KCNH7: variants seen among roughly 807,000 people sequenced by gnomAD.
KCNH7 encodes voltage-gated inwardly rectifying potassium channel KCNH7.
A neutral mutation model predicts 120.8 loss-of-function variants in KCNH7; 49 were observed. The ratio of observed to expected loss-of-function variants is 0.41; its 90% CI spans 0.32 to 0.51. The LOEUF (loss-of-function observed/expected upper bound fraction) is 0.51, where lower values mean the gene tolerates loss of function less well. KCNH7 is among the 20% of genes least tolerant of loss of function. KCNH7 has a pLI of 0.38. For missense variants in KCNH7, 1,097 were observed against 1,446.6 expected (o/e 0.76, Z 3.92); for synonymous variants, 547 against 516.1 (o/e 1.06, Z -0.81).
intron 2 of KCNH7, among the ~76,000 whole-genome samples, chr2:162,788,434 C>T (rs1035756662): frequency 6.6e-6 from 1 of 151,914 alleles, no homozygotes; most frequent in African/African-American, 2.4e-5. Context: ...ATAAAAGAAC[C>T]AATCAAAAAT....
intron 2 of KCNH7, among the ~76,000 whole-genome samples, chr2:162,821,099 A>G (rs1685105705): frequency 6.6e-6 from 1 of 152,136 alleles, no homozygotes; most frequent in African/African-American, 2.4e-5. Context: ...CTAAGGCCTA[A>G]TGGAGAGTCC....
chr2:162,543,247 A>G (rs918497645), intron 2 of KCNH7, among the ~76,000 whole-genome samples: 2 of 151,814 alleles, frequency 1.3e-5, no homozygotes, highest in Non-Finnish European at 2.9e-5. Flanking sequence ...GTCTAAAGAA[A>G]CATCCTTAAC....
chr2:162,574,289 T>C (rs904896748), intron 2 of KCNH7, among the ~76,000 whole-genome samples: 1 of 152,072 alleles, frequency 6.6e-6, no homozygotes, highest in Non-Finnish European at 1.5e-5. Context: ...GACTTTTCAT[T>C]AGCCATTCTT....
intron 2 of KCNH7, among the ~76,000 whole-genome samples, chr2:162,606,722 C>G (rs74982920): frequency 6.6e-6 from 1 of 152,052 alleles, no homozygotes; most frequent in Non-Finnish European, 1.5e-5. Context: ...TAACTTGGTT[C>G]CAAAGCAAGC....
At chr2:162,788,160 G>A (rs1389538529) in intron 2 of KCNH7, among the ~76,000 whole-genome samples, 2 of 152,110 alleles carry the variant, frequency 1.3e-5, no homozygotes, top group African/African-American at 4.8e-5. Flanking sequence ...TCCATGAACT[G>A]TGTGGCAATA....
At chr2:162,423,261 T>G in intron 9 of KCNH7, 75 bp downstream of exon 9, 1 of 1,609,130 alleles carries the variant, frequency 6.2e-7, no homozygotes, top group South Asian at 1.1e-5. Flanking sequence ...AAGCTGGTGA[T>G]TCCGGCTTTT....
intron 8 of KCNH7, among the ~76,000 whole-genome samples, chr2:162,424,867 T>A (rs1156995624): frequency 1.3e-5 from 2 of 152,138 alleles, no homozygotes; most frequent in Non-Finnish European, 2.9e-5. Context: ...TGGGGAGATG[T>A]GGTGGTTAAT....
intron 2 of KCNH7, among the ~76,000 whole-genome samples, chr2:162,674,226 A>G (rs1222881378): frequency 2.0e-5 from 3 of 151,842 alleles, no homozygotes; most frequent in Non-Finnish European, 2.9e-5. Context: ...TAGAGATAAA[A>G]GTGTTAGAGA....
rs114025643 is a variant in KCNH7, at chr2:162,810,308, T to C, written c.307+26229A>G. Among the ~76,000 whole-genome samples, 1,093 of 152,240 alleles carry C rather than the reference T, an allele frequency of 7.2e-3. 2 individuals are homozygous for C. Among genetic ancestry groups the C allele is most frequent in the Non-Finnish European group, 0.011 (773 of 67,998 alleles). On this transcript the variant is annotated intron_variant, in intron 2 of 15. Coordinates refer to ENST00000332142, the MANE Select transcript of KCNH7 (RefSeq NM_033272.4). ...TCAAATAAATTGAAAACAATAGAAG[T>C]TATACTTTACACATACAAAATAAGT...
Position 162,772,561 on chromosome 2 carries a change from C to T in KCNH7, c.307+63976G>A, listed in dbSNP as rs1350074249. 3.3e-5 allele frequency among the ~76,000 whole-genome samples: 5 copies of T among 151,322 alleles called. No individual in the cohort carries two copies. The East Asian group carries it at 7.7e-4, about 23-fold the overall frequency. On this transcript the variant is annotated intron_variant, in intron 2 of 15. Coordinates refer to ENST00000332142, the MANE Select transcript of KCNH7 (RefSeq NM_033272.4). Reference sequence around the variant, plus strand: ...ATCTCTTCCTTTTTCTCCCTTTTTCCATTGGCCACAAGTATTAAAGTCAAG... The same window carrying T: ...ATCTCTTCCTTTTTCTCCCTTTTTCTATTGGCCACAAGTATTAAAGTCAAG...
At chr2:162,388,359 AACAC>A (rs112497083) in intron 12 of KCNH7, among the ~76,000 whole-genome samples, 13 of 148,936 alleles carry the variant, frequency 8.7e-5, no homozygotes, top group Non-Finnish European at 1.6e-4. Context: ...TCCCCACATA[AACAC>A]ACACACACAC....
intron 2 of KCNH7, among the ~76,000 whole-genome samples, chr2:162,642,159 T>C (rs948003054): frequency 3.3e-5 from 5 of 152,140 alleles, no homozygotes; most frequent in African/African-American, 9.7e-5. Flanking sequence ...TTTTGCACAA[T>C]TAAATACTTC....
intron 8 of KCNH7, among the ~76,000 whole-genome samples, chr2:162,428,775 T>C (rs1687957065): frequency 6.6e-6 from 1 of 151,910 alleles, no homozygotes; most frequent in Admixed American, 6.6e-5. Context: ...TCTTTGGTAA[T>C]AGTACCTGTC....
At chr2:162,575,468 G>C (rs1054235330) in intron 2 of KCNH7, among the ~76,000 whole-genome samples, 5 of 151,958 alleles carry the variant, frequency 3.3e-5, no homozygotes, top group African/African-American at 9.7e-5. Context: ...CCTGCCTGCC[G>C]CAATTCCTGA....
chr2:162,716,703 A>G (rs944464333), intron 2 of KCNH7, among the ~76,000 whole-genome samples: 1 of 152,140 alleles, frequency 6.6e-6, no homozygotes, highest in Non-Finnish European at 1.5e-5. Context: ...AGGGTATTTT[A>G]TGCTATAAGT....
rs565695301 is a variant in KCNH7 at position 162,546,142 on chromosome 2, C to A, written c.308-9062G>T. ...CCTATGGTGCTTACCCACTTCTCAG[C>A]TCTGGTTCCTACTTAATTTTGGAGC... On this transcript the variant is annotated intron_variant, in intron 2 of 15. Coordinates refer to ENST00000332142, the MANE Select transcript of KCNH7 (RefSeq NM_033272.4). Among the ~76,000 whole-genome samples the A allele has an allele frequency of 1.5e-3, 224 of 152,232 alleles. 1 individual carries two copies. The highest frequency in any genetic ancestry group is 4.5e-3 in the African/African-American group (188 of 41,544).
chr2:162,792,088 A>G (rs1192311625), intron 2 of KCNH7, among the ~76,000 whole-genome samples: 1 of 151,862 alleles, frequency 6.6e-6, no homozygotes, highest in Non-Finnish European at 1.5e-5. Flanking sequence ...TATCACATTT[A>G]TTGATTTAGT....
In KCNH7 at chr2:162,557,024, A is replaced by G. The variant is rs182755183; in HGVS notation, c.308-19944T>C. ...TGTGTAACAAACCACCTCAACACTT[A>G]GTGGCTCAAAGCAACAATTTGTGAT... On this transcript the variant is annotated intron_variant, in intron 2 of 15. Transcript: ENST00000332142. Among the ~76,000 whole-genome samples the G allele has an allele frequency of 5.3e-5, 8 of 152,330 alleles. No homozygotes were observed. The East Asian group carries it at 1.4e-3, about 26-fold the overall frequency.
chr2:162,599,751 T>C (rs1014624036), intron 2 of KCNH7, among the ~76,000 whole-genome samples: 2 of 152,088 alleles, frequency 1.3e-5, no homozygotes, highest in African/African-American at 2.4e-5. Context: ...CAAAATTATA[T>C]ACTATGTTTC....
Sources: allele counts gnomAD v4.1 joint callset (sites outside exome capture counted in the v4.1 genomes callset), GRCh38; gene constraint gnomAD v4.1.1; transcripts MANE v1.5; gene names NCBI Gene and HGNC (gene_info 2026-07-23, HGNC 2026-07-21).